PSD3: variants seen among roughly 807,000 people sequenced by gnomAD.
The protein encoded by PSD3 is pleckstrin and Sec7 domain containing 3.
Under a neutral mutation model 105.5 loss-of-function variants are expected in PSD3, and 49 were observed. That is an observed-to-expected ratio of 0.46 (90% CI 0.37 to 0.59). PSD3 has a LOEUF of 0.59. Among genes scored for constraint, PSD3 ranks in the 20% least tolerant of loss-of-function variants. The probability of loss-of-function intolerance (pLI) is 0.00; values close to 1 mark genes in which losing one functional copy is unlikely to be tolerated. For synonymous variants in PSD3, 557 were observed against 457.8 expected (o/e 1.22, Z -2.77); for missense variants, 1,561 against 1,263.8 (o/e 1.24, Z -3.57).
At chr8:19,012,728 A>C (rs1827012415) in intron 1 of PSD3, among the ~76,000 whole-genome samples, 2 of 152,184 alleles carry the variant, frequency 1.3e-5, no homozygotes, top group African/African-American at 4.8e-5. Context: ...GAACGCATTG[A>C]GGCATTTGTT....
At chr8:18,699,744 A>G (rs1801464546) in intron 9 of PSD3, among the ~76,000 whole-genome samples, 1 of 147,796 alleles carries the variant, frequency 6.8e-6, no homozygotes, top group African/African-American at 2.7e-5. Flanking sequence ...GGTAGGCTAT[A>G]GAATGGTGGG....
At chr8:19,066,732 T>C (rs1829086847) in intron 1 of PSD3, among the ~76,000 whole-genome samples, 1 of 152,254 alleles carries the variant, frequency 6.6e-6, no homozygotes, top group Admixed American at 6.5e-5. Flanking sequence ...ATCTATCTGA[T>C]GTTGTTCTTT....
intron 1 of PSD3, among the ~76,000 whole-genome samples, chr8:18,992,378 C>T (rs995667873): frequency 6.6e-6 from 1 of 152,066 alleles, no homozygotes; most frequent in East Asian, 1.9e-4. Flanking sequence ...ACAGTAAAAG[C>T]TAATGACCCT....
At chr8:18,848,582 G>C (rs187375872) in intron 4 of PSD3, among the ~76,000 whole-genome samples, 6 of 152,190 alleles carry the variant, frequency 3.9e-5, no homozygotes, top group Admixed American at 6.5e-5. Context: ...ATAAGACTGC[G>C]GCTCAAATCT....
At chr8:18,648,768 C>G (rs1008296539) in intron 10 of PSD3, among the ~76,000 whole-genome samples, 1 of 152,222 alleles carries the variant, frequency 6.6e-6, no homozygotes, top group Non-Finnish European at 1.5e-5. Flanking sequence ...ATAGGCCAGT[C>G]CCCGGGAAGT....
At chr8:18,784,961 G>A (rs989820106) in intron 8 of PSD3, among the ~76,000 whole-genome samples, 1 of 152,108 alleles carries the variant, frequency 6.6e-6, no homozygotes, top group Admixed American at 6.5e-5. Context: ...AAGGAGGGGA[G>A]GCTGAAAATT....
chr8:18,758,851 A>C (rs1020212080), intron 9 of PSD3, among the ~76,000 whole-genome samples: 1 of 152,278 alleles, frequency 6.6e-6, no homozygotes, highest in East Asian at 1.9e-4. Context: ...GAGGTATCCT[A>C]CATATTCTTG....
chr8:18,590,020 TA>T (rs961194722), intron 12 of PSD3, among the ~76,000 whole-genome samples: 1 of 151,484 alleles, frequency 6.6e-6, no homozygotes, highest in Non-Finnish European at 1.5e-5. Context: ...TAAACTTTTG[TA>T]AAAAAACAAA....
At chr8:18,817,176 C>G (rs1447855592) in intron 4 of PSD3, among the ~76,000 whole-genome samples, 1 of 152,180 alleles carries the variant, frequency 6.6e-6, no homozygotes, top group African/African-American at 2.4e-5. Context: ...CACTTGGAAG[C>G]TTCAAAATTA....
chr8:18,831,501 C>T (rs998981126), intron 4 of PSD3, among the ~76,000 whole-genome samples: 10 of 152,286 alleles, frequency 6.6e-5, no homozygotes, highest in African/African-American at 2.4e-4. Context: ...GCAGGCAGAT[C>T]ACCCGAGGTC....
intron 4 of PSD3, among the ~76,000 whole-genome samples, chr8:18,831,269 T>TA (rs1407254963): frequency 6.6e-6 from 1 of 152,232 alleles, no homozygotes; most frequent in Non-Finnish European, 1.5e-5. Context: ...TCTGCAGCTC[T>TA]AGAATGGCTC....
chr8:18,949,818 A>G (rs76593276), intron 1 of PSD3, among the ~76,000 whole-genome samples: 19,325 of 152,202 alleles, frequency 0.13, 1,360 homozygotes, highest in Non-Finnish European at 0.17. Flanking sequence ...TTAGCAAAAA[A>G]TTTCACATCA....
chr8:18,722,364 A>G (rs1803042536), intron 9 of PSD3, among the ~76,000 whole-genome samples: 3 of 152,188 alleles, frequency 2.0e-5, no homozygotes, highest in African/African-American at 7.2e-5. Context: ...GAGTTAAATC[A>G]GAATCTAAAA....
At chr8:18,678,966 A>C (rs959963119) in intron 9 of PSD3, among the ~76,000 whole-genome samples, 8 of 88,682 alleles carry the variant, frequency 9.0e-5, no homozygotes, top group African/African-American at 2.4e-4. Context: ...TATTCAGCTA[A>C]AGGATGAATT....
chr8:18,903,173 G>A (rs943263470), intron 2 of PSD3, among the ~76,000 whole-genome samples: 1 of 152,256 alleles, frequency 6.6e-6, no homozygotes, highest in South Asian at 2.1e-4. Context: ...TACTTTTAGG[G>A]TATACAGTGA....
At chr8:18,568,958 T>A (rs905846786) in intron 14 of PSD3, among the ~76,000 whole-genome samples, 26 of 148,468 alleles carry the variant, frequency 1.8e-4, no homozygotes, top group Admixed American at 6.9e-5. Flanking sequence ...TATGTGGTGT[T>A]TGGTTTTTTG....
chr8:18,732,833 T>C (rs1188611561), intron 9 of PSD3: 1 of 152,148 alleles, frequency 6.6e-6, no homozygotes, highest in Non-Finnish European at 1.5e-5. Context: ...TTTTTATTTT[T>C]TTTTCACAGA....
chr8:18,762,695 A>C (rs1361573127), intron 9 of PSD3, among the ~76,000 whole-genome samples: 1 of 152,246 alleles, frequency 6.6e-6, no homozygotes, highest in Non-Finnish European at 1.5e-5. Flanking sequence ...TTTAAACTAA[A>C]AAAAGGGCTC....
Position 18,683,221 on chromosome 8 carries a change from C to T in PSD3, c.2173-27536G>A, listed in dbSNP as rs563641585. On this transcript the variant is annotated intron_variant, in intron 9 of 15. Transcript: ENST00000327040. ...CATCAGCACATATATGTGTAAGGAA[C>T]ATGAAAGAAGAAATTTCTCTTCATT... Among the ~76,000 whole-genome samples, 9 of 152,280 alleles carry T rather than the reference C, an allele frequency of 5.9e-5. No homozygotes were observed. In the South Asian group the frequency reaches 1.9e-3, roughly 32 times the overall value.
Sources: allele counts gnomAD v4.1 joint callset (sites outside exome capture counted in the v4.1 genomes callset), GRCh38; gene constraint gnomAD v4.1.1; transcripts MANE v1.5; gene names NCBI Gene and HGNC (gene_info 2026-07-23, HGNC 2026-07-21).